NGLY1: variants seen among roughly 807,000 people sequenced by gnomAD.
NGLY1 encodes peptide-N(4)-(N-acetyl-beta-glucosaminyl)asparagine amidase.
NGLY1 carries 68 observed loss-of-function variants against 84.6 expected under a neutral mutation model. That is an observed-to-expected ratio of 0.80 (90% CI 0.66 to 0.98). The LOEUF is 0.98. Ranked by LOEUF, NGLY1 falls within the 50% of genes least tolerant of loss-of-function variation. The pLI is 0.00. For synonymous variants in NGLY1, 280 were observed against 275.2 expected, an observed-to-expected ratio of 1.02 and a Z score of -0.17; for missense variants, 779 against 770.2, an observed-to-expected ratio of 1.01 and a Z score of -0.14.
chr3:25,734,437 T>TACAGTG (rs1705715168), intron 7 of NGLY1: 1 of 151,714 alleles, frequency 6.6e-6, no homozygotes, highest in Non-Finnish European at 1.5e-5. Flanking sequence ...GTGCAGTGGC[T>TACAGTG]CATGCCTGTA....
At chr3:25,749,176 A>G (rs1706594776) in intron 4 of NGLY1, among the ~76,000 whole-genome samples, 1 of 152,232 alleles carries the variant, frequency 6.6e-6, no homozygotes, top group African/African-American at 2.4e-5. Flanking sequence ...ACTGTGGAAA[A>G]CAGTATGGTG....
intron 4 of NGLY1, 146 bp from the exon 5 acceptor site, chr3:25,739,945 T>C: frequency 1.6e-6 from 1 of 641,016 alleles, no homozygotes; most frequent in Non-Finnish European, 2.7e-6. Flanking sequence ...AAGAAGAAAC[T>C]GTCATTTATT....
chr3:25,767,513 G>A (rs549224331), intron 2 of NGLY1, among the ~76,000 whole-genome samples: 25 of 152,218 alleles, frequency 1.6e-4, no homozygotes, highest in African/African-American at 5.3e-4. Flanking sequence ...GGTGGAGGGG[G>A]CAGGTATGGC....
At chr3:25,758,893 G>A (rs900980822) in intron 3 of NGLY1, among the ~76,000 whole-genome samples, 1 of 152,180 alleles carries the variant, frequency 6.6e-6, no homozygotes, top group African/African-American at 2.4e-5. Context: ...TAAGATAGGA[G>A]AGCTTAAAGG....
intron 2 of NGLY1, among the ~76,000 whole-genome samples, chr3:25,766,814 C>A (rs889096773): frequency 2.0e-5 from 3 of 152,052 alleles, no homozygotes; most frequent in African/African-American, 7.2e-5. Flanking sequence ...TCAGACAGGG[C>A]CCCAGTAAGA....
intron 8 of NGLY1, among the ~76,000 whole-genome samples, chr3:25,733,035 C>T (rs944528282): frequency 6.6e-6 from 1 of 152,140 alleles, no homozygotes; most frequent in Non-Finnish European, 1.5e-5. Flanking sequence ...AAAATAGTGA[C>T]TAAAGTGCTG....
chr3:25,731,838 A>T (rs1235431303), intron 9 of NGLY1, among the ~76,000 whole-genome samples: 1 of 152,106 alleles, frequency 6.6e-6, no homozygotes, highest in Non-Finnish European at 1.5e-5. Flanking sequence ...ATATGATTCC[A>T]TTTTATAAAG....
chr3:25,739,813 G>T lies in NGLY1; in HGVS notation c.659-14C>A, dbSNP rs1478099150. ...TTATATTGATACCTGAGAAATTAAGGGAGGACCAAGTAAGAGCTAAAACTG... is the reference window on the plus strand; with the variant it reads ...TTATATTGATACCTGAGAAATTAAGTGAGGACCAAGTAAGAGCTAAAACTG... On this transcript the variant is annotated splice_polypyrimidine_tract_variant and intron_variant, in intron 4 of 11. Transcript: ENST00000280700. The T allele has an allele frequency of 6.2e-7, 1 of 1,600,624 alleles. No homozygotes were observed. The highest frequency in any genetic ancestry group is 1.1e-5 in the South Asian group (1 of 90,490).
chr3:25,743,389 A>T (rs1575626275), intron 4 of NGLY1, among the ~76,000 whole-genome samples: 1 of 152,174 alleles, frequency 6.6e-6, no homozygotes, highest in South Asian at 2.1e-4. Flanking sequence ...TCTCCCTGCC[A>T]TCTCTTAAAC....
At chr3:25,760,986 GT>G (rs1231588496) in intron 3 of NGLY1, among the ~76,000 whole-genome samples, 1 of 147,454 alleles carries the variant, frequency 6.8e-6, no homozygotes, top group Admixed American at 6.8e-5. Flanking sequence ...GATAAAATTA[GT>G]TTTAAAATTA....
chr3:25,724,392 CTT>C (rs1003971747), intron 10 of NGLY1, among the ~76,000 whole-genome samples: 59 of 152,184 alleles, frequency 3.9e-4, no homozygotes, highest in Non-Finnish European at 5.6e-4. Context: ...TGCAATGAGT[CTT>C]GTTTTTGGTT....
intron 11 of NGLY1, 106 bp from the exon 12 acceptor site, chr3:25,719,741 C>T: frequency 1.2e-6 from 1 of 855,518 alleles, no homozygotes. Flanking sequence ...TTAAAATAAA[C>T]CCTTAAAAAT....
chr3:25,770,312 C>G (rs756918668), intron 2 of NGLY1, among the ~76,000 whole-genome samples: 1 of 152,052 alleles, frequency 6.6e-6, no homozygotes, highest in Non-Finnish European at 1.5e-5. Flanking sequence ...CCATGCCCAG[C>G]AAATTTTTGT....
intron 7 of NGLY1, 132 bp from the exon 8 acceptor site, chr3:25,734,114 T>TAG: frequency 2.4e-6 from 3 of 1,269,566 alleles, no homozygotes; most frequent in Non-Finnish European, 3.2e-6. Context: ...TTGTCCAGGC[T>TAG]AGAGTGCAGT....
chr3:25,743,091 CTG>C (rs1459838042), intron 4 of NGLY1, among the ~76,000 whole-genome samples: 1 of 152,004 alleles, frequency 6.6e-6, no homozygotes, highest in Non-Finnish European at 1.5e-5. Context: ...TAAGACCAGA[CTG>C]TTGCAGCCAC....
chr3:25,780,048 T>G (rs188088494), intron 1 of NGLY1, among the ~76,000 whole-genome samples: 29 of 152,362 alleles, frequency 1.9e-4, no homozygotes, highest in African/African-American at 7.0e-4. Context: ...CATGAAATTT[T>G]CAGTGTATTT....
intron 10 of NGLY1, among the ~76,000 whole-genome samples, chr3:25,726,242 T>C (rs1705255337): frequency 6.6e-6 from 1 of 152,194 alleles, no homozygotes; most frequent in Admixed American, 6.6e-5. Context: ...ATTTTTACAT[T>C]CACCAATCTT....
chr3:25,739,562 A>T lies in NGLY1; in HGVS notation c.881+15T>A. The T allele has an allele frequency of 6.2e-7, 1 of 1,612,380 alleles. No individual in the cohort carries two copies. Among genetic ancestry groups the T allele is most frequent in the Non-Finnish European group, 8.5e-7 (1 of 1,178,584 alleles). ...ATTAAGAGATTATTCTGATTTTACC[A>T]TCCAGGGCACCCACCTTGGGAATCG... On this transcript the variant is annotated intron_variant, in intron 5 of 11. Coordinates refer to ENST00000280700, the MANE Select transcript of NGLY1 (RefSeq NM_018297.4).
chr3:25,746,359 T>A (rs1333457067), intron 4 of NGLY1, among the ~76,000 whole-genome samples: 1 of 152,210 alleles, frequency 6.6e-6, no homozygotes. Flanking sequence ...GCTGTGTCAT[T>A]TCTTTCCTAT....
Sources: allele counts gnomAD v4.1 joint callset (sites outside exome capture counted in the v4.1 genomes callset), GRCh38; gene constraint gnomAD v4.1.1; transcripts MANE v1.5; gene names NCBI Gene and HGNC (gene_info 2026-07-23, HGNC 2026-07-21).